HMBOX1: variants seen among roughly 807,000 people sequenced by gnomAD.
HMBOX1 encodes the protein homeobox containing 1.
Under a neutral mutation model 54.5 loss-of-function variants are expected in HMBOX1, and 14 were observed. The observed-to-expected ratio is 0.26, with a 90% confidence interval of 0.17 to 0.40. HMBOX1 has a LOEUF of 0.40. HMBOX1 is among the 10% of genes least tolerant of loss of function. The pLI, the probability that HMBOX1 is intolerant of heterozygous loss-of-function variation, is 1.00. For synonymous variants in HMBOX1, 160 were observed against 181.0 expected, an observed-to-expected ratio of 0.88 and a Z score of 0.93; for missense variants, 332 against 514.4, an observed-to-expected ratio of 0.65 and a Z score of 3.43.
intron 3 of HMBOX1, among the ~76,000 whole-genome samples, chr8:28,972,725 G>T (rs957228615): frequency 6.6e-6 from 1 of 152,138 alleles, no homozygotes; most frequent in African/African-American, 2.4e-5. Flanking sequence ...GTTAGTAAAA[G>T]TCTCTAGAAG....
rs78791899 is a variant in HMBOX1 at position 28,992,391 on chromosome 8, C to G, written c.586+12235C>G. Among the ~76,000 whole-genome samples, 1,183 of 152,260 alleles carry G rather than the reference C, an allele frequency of 7.8e-3. 14 individuals carry two copies. The highest frequency in any genetic ancestry group is 0.027 in the African/African-American group (1,132 of 41,544). ...TTATAATTGCTTAATTTTCAGCAGG[C>G]AATCATTTTTCATTCATGTCTCTCC... On this transcript the variant is annotated intron_variant, in intron 4 of 9. Coordinates refer to ENST00000287701, the MANE Select transcript of HMBOX1 (RefSeq NM_001135726.3).
At chr8:29,043,147 C>T (rs937162789) in intron 6 of HMBOX1, among the ~76,000 whole-genome samples, 1 of 152,220 alleles carries the variant, frequency 6.6e-6, no homozygotes, top group Non-Finnish European at 1.5e-5. Context: ...CTGGCCCCAT[C>T]CCACCTTTCC....
chr8:28,945,731 A>G (rs1822307363), intron 1 of HMBOX1, among the ~76,000 whole-genome samples: 1 of 152,120 alleles, frequency 6.6e-6, no homozygotes, highest in South Asian at 2.1e-4. Flanking sequence ...GTATTTTGGG[A>G]TATGACACAA....
intron 3 of HMBOX1, among the ~76,000 whole-genome samples, chr8:28,973,051 A>G (rs1270062565): frequency 1.3e-5 from 2 of 151,904 alleles, no homozygotes; most frequent in African/African-American, 4.8e-5. Flanking sequence ...GCCCTTCTGG[A>G]TCTCTCTGGT....
Position 29,021,564 on chromosome 8 carries a change from A to G in HMBOX1, c.851+2651A>G, listed in dbSNP as rs555776814. Among the ~76,000 whole-genome samples the G allele has an allele frequency of 2.0e-5, 3 of 152,208 alleles. No homozygotes were observed. In the East Asian group the frequency reaches 5.8e-4, roughly 29 times the overall value. On this transcript the variant is annotated intron_variant, in intron 6 of 9. Coordinates refer to ENST00000287701, the MANE Select transcript of HMBOX1 (RefSeq NM_001135726.3). ...AAATGGTCCTTGAACATATGAAAAT[A>G]TGCTCAATCGGCCAGGCGCGGTGGC...
chr8:28,903,640 G>C (rs1813680938), intron 1 of HMBOX1, among the ~76,000 whole-genome samples: 1 of 152,150 alleles, frequency 6.6e-6, no homozygotes, highest in Non-Finnish European at 1.5e-5. Flanking sequence ...ACTTGATCAG[G>C]TGAAGAATTA....
intron 1 of HMBOX1, among the ~76,000 whole-genome samples, chr8:28,893,714 A>G (rs982703881): frequency 2.0e-5 from 3 of 152,142 alleles, no homozygotes; most frequent in Admixed American, 6.5e-5. Context: ...AAAAATAGCA[A>G]CCAGCTTATG....
Position 29,047,436 on chromosome 8 carries a change from A to G in HMBOX1, c.1013A>G (p.Lys338Arg). The change falls in exon 8 of 10, where the codon AAG (lysine) becomes AGG (arginine). Residue 338 changes from lysine to arginine, a missense_variant. Lys to Arg is a conservative substitution (Grantham distance 26). Around this residue, in one of 4 missense-constraint regions of HMBOX1, gnomAD observed 69 missense variants for 104.6 expected, o/e 0.66. Coordinates refer to ENST00000287701, the MANE Select transcript of HMBOX1 (RefSeq NM_001135726.3). ...NWFANRRKEIKRRANIEAAIL... is the reference protein window; with the variant it reads ...NWFANRRKEIRRRANIEAAIL... ...TTTGCTAACAGAAGGAAGGAGATCA[A>G]GAGGAGAGCCAATATTGGTAATGTA... 1 of 1,585,266 alleles carries G rather than the reference A, an allele frequency of 6.3e-7. No individual in the cohort carries two copies. Among genetic ancestry groups the G allele is most frequent in the Non-Finnish European group, 8.7e-7 (1 of 1,153,608 alleles).
intron 4 of HMBOX1, among the ~76,000 whole-genome samples, chr8:29,003,233 ATATT>A (rs965316571): frequency 7.2e-5 from 11 of 152,074 alleles, no homozygotes; most frequent in South Asian, 4.1e-4. Flanking sequence ...CCCTAGAGAA[ATATT>A]TATTTGTCTG....
In HMBOX1 at chr8:28,970,252, A is replaced by G; in HGVS notation, c.233A>G (p.Asn78Ser). The stretch of plus-strand genomic sequence containing the variant: ...AGTTCATATGGGAATAGTACTAACA[A>G]TGTCCCAGCATCTTCCTCTACAGCT... ...GGSSYGNSTN[N>S]VPASSSTATA... The change falls in exon 3 of 10, where the codon AAT (asparagine) becomes AGT (serine). Residue 78 changes from asparagine to serine, a missense_variant. Transcript: ENST00000287701. This position sits in a 1 kb window ranked among gnomAD's most constrained non-coding sequence, Gnocchi z 4.3. 1.9e-6 allele frequency: 3 copies of G among 1,614,110 alleles called. No individual in the cohort carries two copies. Among genetic ancestry groups the G allele is most frequent in the Non-Finnish European group, 1.7e-6 (2 of 1,179,956 alleles).
intron 4 of HMBOX1, among the ~76,000 whole-genome samples, chr8:28,995,932 C>G (rs927216487): frequency 6.6e-6 from 1 of 151,944 alleles, no homozygotes; most frequent in African/African-American, 2.4e-5. Context: ...GAAACCCCGT[C>G]TCTACTAAAA....
At chr8:29,032,433 G>A (rs1344093332) in intron 6 of HMBOX1, among the ~76,000 whole-genome samples, 2 of 150,008 alleles carry the variant, frequency 1.3e-5, no homozygotes, top group Non-Finnish European at 3.0e-5. Flanking sequence ...TGAAATTCCA[G>A]TCATTTTCAA....
chr8:28,900,556 A>G (rs901997585), intron 1 of HMBOX1, among the ~76,000 whole-genome samples: 3 of 151,936 alleles, frequency 2.0e-5, no homozygotes, highest in Non-Finnish European at 4.4e-5. Flanking sequence ...CTGATTGCTT[A>G]TGTCAGTAGA....
At chr8:28,906,058 T>A (rs1814269544) in intron 1 of HMBOX1, among the ~76,000 whole-genome samples, 1 of 152,186 alleles carries the variant, frequency 6.6e-6, no homozygotes, top group Admixed American at 6.5e-5. Context: ...TAATCAGAGA[T>A]TAATCAGAGA....
chr8:28,978,580 C>T (rs79999078), intron 3 of HMBOX1, among the ~76,000 whole-genome samples: 2 of 152,048 alleles, frequency 1.3e-5, no homozygotes, highest in Admixed American at 6.6e-5. Context: ...GTTAGGAGTT[C>T]GAGACCAGCC....
intron 1 of HMBOX1, among the ~76,000 whole-genome samples, chr8:28,908,481 G>A (rs1814759700): frequency 6.6e-6 from 1 of 152,170 alleles, no homozygotes; most frequent in Admixed American, 6.5e-5. Context: ...TGGGCCAGGT[G>A]TGGTGGCTCA....
chr8:28,989,530 C>A (rs1830675945), intron 4 of HMBOX1, among the ~76,000 whole-genome samples: 1 of 152,080 alleles, frequency 6.6e-6, no homozygotes, highest in Admixed American at 6.5e-5. Context: ...GACATGCATG[C>A]AAGGTCTGTT....
chr8:28,989,808 A>G (rs1195559662), intron 4 of HMBOX1, among the ~76,000 whole-genome samples: 1 of 152,338 alleles, frequency 6.6e-6, no homozygotes, highest in Non-Finnish European at 1.5e-5. Flanking sequence ...TTTACATCTT[A>G]ATCATATCAA....
intron 4 of HMBOX1, among the ~76,000 whole-genome samples, chr8:28,998,107 A>G (rs979346139): frequency 1.1e-4 from 16 of 152,154 alleles, no homozygotes; most frequent in African/African-American, 3.9e-4. Flanking sequence ...CTCTATTCAG[A>G]TTTTCTGGGC....
Sources: gnomAD v4.1 joint callset for allele counts (sites outside exome capture counted in the v4.1 genomes callset) on GRCh38, gnomAD v4.1.1 for gene constraint, gnomAD v4.1.1 regional missense constraint, Gnocchi (gnomAD v3.1) non-coding constraint, MANE v1.5 for transcripts, NCBI Gene and HGNC (gene_info 2026-07-23, HGNC 2026-07-21) for gene names.